Variants in INPP4A observed in about 807,000 individuals in gnomAD.
The protein encoded by INPP4A is inositol polyphosphate-4-phosphatase type I A.
In INPP4A, 33 loss-of-function variants were observed where a neutral mutation model predicts 119.8. The ratio of observed to expected loss-of-function variants is 0.28; its 90% CI spans 0.21 to 0.37. The LOEUF (loss-of-function observed/expected upper bound fraction) is 0.37, where lower values mean the gene tolerates loss of function less well. Ranked by LOEUF, INPP4A falls within the 10% of genes least tolerant of loss-of-function variation. The probability of loss-of-function intolerance (pLI) is 1.00; values close to 1 mark genes in which losing one functional copy is unlikely to be tolerated. For missense variants in INPP4A, 956 were observed against 1,289.9 expected (o/e 0.74, Z 3.97); for synonymous variants, 496 against 500.7 (o/e 0.99, Z 0.12).
chr2:98,496,696 T>C (rs111240427), intron 1 of INPP4A, among the ~76,000 whole-genome samples: 1,581 of 152,230 alleles, frequency 0.01, 44 homozygotes, highest in African/African-American at 0.036. Context: ...AATTTAAAAA[T>C]GGGCAAAAGA....
chr2:98,562,773 A>T (rs1695723626), intron 17 of INPP4A, among the ~76,000 whole-genome samples: 1 of 152,104 alleles, frequency 6.6e-6, no homozygotes, highest in East Asian at 1.9e-4. Context: ...TTCTATTTTT[A>T]AAAAGTTGTT....
chr2:98,474,760 T>G (rs1676853368), intron 1 of INPP4A, among the ~76,000 whole-genome samples: 1 of 152,210 alleles, frequency 6.6e-6, no homozygotes, highest in Non-Finnish European at 1.5e-5. Context: ...AGGTTGGTGT[T>G]TTTTAAAAAA....
chr2:98,448,876 A>T (rs1694738893), intron 1 of INPP4A, among the ~76,000 whole-genome samples: 1 of 151,884 alleles, frequency 6.6e-6, no homozygotes, highest in South Asian at 2.1e-4. Context: ...CCAATTTTTA[A>T]ATATTTTATA....
chr2:98,554,441 G>C lies in INPP4A; in HGVS notation c.1518G>C (p.Gly506=), dbSNP rs1365217617. ...ACACCCTCATGGCCCGGTGGACAGG[G>C]AGAAACAGCCGATCTTCCCTGCAGG... ...DQDTLMARWT[G]RNSRSSLQVD... is the part of the protein sequence containing the mutation. Residue 506 remains glycine, a synonymous_variant, in exon 15 of 25, where the codon GGG becomes GGC. Coordinates refer to ENST00000409851, the MANE Select transcript of INPP4A (RefSeq NM_001134225.2). The surrounding 1 kb of genome is among the most constrained non-coding windows in gnomAD (Gnocchi z 4.7). 1 of 1,613,938 alleles carries C rather than the reference G, an allele frequency of 6.2e-7. No homozygotes were observed. The highest frequency in any genetic ancestry group is 2.2e-5 in the East Asian group (1 of 44,882).
At chr2:98,489,420 C>T (rs151123241) in intron 1 of INPP4A, among the ~76,000 whole-genome samples, 4 of 152,168 alleles carry the variant, frequency 2.6e-5, no homozygotes, top group African/African-American at 7.2e-5. Context: ...ATGCCAACAC[C>T]CAGCCCTGGC....
intron 4 of INPP4A, among the ~76,000 whole-genome samples, chr2:98,529,872 G>T (rs562097545): frequency 1.3e-5 from 2 of 152,324 alleles, no homozygotes; most frequent in African/African-American, 4.8e-5. Flanking sequence ...TATTAAATCT[G>T]TGAAGGTAAA....
At chr2:98,567,305 G>T (rs1360708227) in intron 21 of INPP4A, among the ~76,000 whole-genome samples, 1 of 152,134 alleles carries the variant, frequency 6.6e-6, no homozygotes, top group African/African-American at 2.4e-5. Context: ...GGTTGGGGCT[G>T]GGGCTGAGTG....
intron 4 of INPP4A, among the ~76,000 whole-genome samples, chr2:98,522,583 CA>C: frequency 6.6e-6 from 1 of 151,788 alleles, no homozygotes; most frequent in Non-Finnish European, 1.5e-5. Context: ...GAAGAAAAAA[CA>C]GAAGAGAATG....
chr2:98,544,107 G>A (rs765187235), intron 11 of INPP4A, 100 bp downstream of exon 11: 26 of 1,142,930 alleles, frequency 2.3e-5, no homozygotes, highest in Non-Finnish European at 3.0e-5. Context: ...CCCAGCCAGG[G>A]ATCTGGAACA....
intron 1 of INPP4A, among the ~76,000 whole-genome samples, chr2:98,462,583 T>C (rs1229833557): frequency 2.6e-5 from 4 of 151,768 alleles, no homozygotes; most frequent in Non-Finnish European, 4.4e-5. Context: ...TGGAGTGTAG[T>C]GGCAGGATCA....
chr2:98,472,979 G>A (rs984800325), intron 1 of INPP4A, among the ~76,000 whole-genome samples: 9 of 150,958 alleles, frequency 6.0e-5, no homozygotes, highest in Middle Eastern at 3.5e-3. Flanking sequence ...AGGGCAGTGC[G>A]GGTGCAGTGT....
At chr2:98,489,867 A>AC (rs1356741715) in intron 1 of INPP4A, among the ~76,000 whole-genome samples, 736 of 64,270 alleles carry the variant, frequency 0.011, 10 homozygotes, top group African/African-American at 0.039. Flanking sequence ...ATACCCCCCC[A>AC]CCCCCCACCC....
At chr2:98,575,219 A>G (rs1698217447) in intron 23 of INPP4A, among the ~76,000 whole-genome samples, 1 of 152,256 alleles carries the variant, frequency 6.6e-6, no homozygotes, top group Non-Finnish European at 1.5e-5. Flanking sequence ...CCAGCAGTGC[A>G]CCACAAGTGG....
Position 98,587,598 on chromosome 2 carries a change from T to C in INPP4A, c.2909T>C (p.Val970Ala), listed in dbSNP as rs1700083756. 5.0e-6 allele frequency: 8 copies of C among 1,600,946 alleles called. No individual in the cohort carries two copies. The highest frequency in any genetic ancestry group is 6.0e-6 in the Non-Finnish European group (7 of 1,176,264). Residue 970 changes from valine to alanine, a missense_variant, in exon 25 of 25, where the codon GTT becomes GCT. Val to Ala is a moderately conservative substitution (Grantham distance 64). Transcript: ENST00000409851. ...CCTCCCGAAGGGACTTACGGAAAAG[T>C]TGAAACGTGAACACACGGTTTCCTC... ...YRPPEGTYGK[V>A]ET
At chr2:98,507,802 G>C (rs1387998670) in intron 1 of INPP4A, among the ~76,000 whole-genome samples, 3 of 152,200 alleles carry the variant, frequency 2.0e-5, no homozygotes, top group Non-Finnish European at 2.9e-5. Context: ...GCTCAGCCAT[G>C]TTCCTGCTGA....
chr2:98,552,634 CT>C (rs1183439580), intron 13 of INPP4A, 151 bp from the exon 14 acceptor site: 1 of 754,816 alleles, frequency 1.3e-6, no homozygotes, highest in Non-Finnish European at 2.4e-6. Flanking sequence ...CTAAGATATA[CT>C]TTGCTCATCA....
intron 1 of INPP4A, among the ~76,000 whole-genome samples, chr2:98,453,949 A>G (rs1165970155): frequency 6.6e-6 from 1 of 152,168 alleles, no homozygotes; most frequent in Non-Finnish European, 1.5e-5. Context: ...TCTACTAAAA[A>G]TACAAAAATT....
At chr2:98,451,612 C>T (rs893024592) in intron 1 of INPP4A, among the ~76,000 whole-genome samples, 1 of 152,140 alleles carries the variant, frequency 6.6e-6, no homozygotes, top group African/African-American at 2.4e-5. Flanking sequence ...CCCCCTGCCC[C>T]TTTCCTGCCC....
chr2:98,517,625 G>A (rs764549619), intron 1 of INPP4A, among the ~76,000 whole-genome samples: 5 of 152,176 alleles, frequency 3.3e-5, no homozygotes, highest in Non-Finnish European at 4.4e-5. Flanking sequence ...TCCTGTGTCT[G>A]TTGGCTTTAT....
Sources: allele counts gnomAD v4.1 joint callset (sites outside exome capture counted in the v4.1 genomes callset), GRCh38; gene constraint gnomAD v4.1.1; non-coding constraint Gnocchi (gnomAD v3.1); transcripts MANE v1.5; gene names NCBI Gene and HGNC (gene_info 2026-07-23, HGNC 2026-07-21).